The following DNAAF4 variants were observed in gnomAD, a reference collection of about 807,000 sequenced individuals.
DNAAF4 encodes the protein dynein assembly factor 4, axonemal.
In DNAAF4, 43 loss-of-function variants were observed where a neutral mutation model predicts 51.8. That is an observed-to-expected ratio of 0.83 (90% CI 0.65 to 1.07). The LOEUF (loss-of-function observed/expected upper bound fraction) is 1.07, where lower values mean the gene tolerates loss of function less well. Among genes scored for constraint, DNAAF4 ranks in the 50% least tolerant of loss-of-function variants. The probability of loss-of-function intolerance (pLI) is 0.00; values close to 1 mark genes in which losing one functional copy is unlikely to be tolerated. For synonymous variants in DNAAF4, 194 were observed against 165.6 expected (o/e 1.17, Z -1.32); for missense variants, 581 against 493.0 (o/e 1.18, Z -1.69).
At chr15:55,423,751 G>A (rs1024408896) in intron 7 of DNAAF4, among the ~76,000 whole-genome samples, 8 of 152,148 alleles carry the variant, frequency 5.3e-5, no homozygotes, top group African/African-American at 1.7e-4. Context: ...TAAGGAGTGC[G>A]AGACCAGGCT....
intron 4 of DNAAF4, among the ~76,000 whole-genome samples, chr15:55,490,403 T>C (rs1262959275): frequency 6.6e-6 from 1 of 152,078 alleles, no homozygotes; most frequent in East Asian, 1.9e-4. Flanking sequence ...AATGGGTAAA[T>C]TATATGGAAT....
intron 3 of DNAAF4, 123 bp downstream of exon 3, chr15:55,497,587 AAG>A: frequency 8.7e-7 from 1 of 1,148,930 alleles, no homozygotes; most frequent in Non-Finnish European, 1.2e-6. Flanking sequence ...GCGACAGAGC[AAG>A]ACTCTTAAAA....
intron 6 of DNAAF4, among the ~76,000 whole-genome samples, chr15:55,442,127 G>C (rs539871560): frequency 6.6e-6 from 1 of 151,948 alleles, no homozygotes; most frequent in Admixed American, 6.6e-5. Context: ...TTTTTGTTTT[G>C]TTTTGTTTTG....
At chr15:55,498,141 G>C in intron 2 of DNAAF4, 66 bp downstream of exon 2, 4 of 1,609,348 alleles carry the variant, frequency 2.5e-6, no homozygotes, top group Non-Finnish European at 3.4e-6. Context: ...CTCGTGCCCA[G>C]CTGCGCTCTT....
chr15:55,429,654 A>G (rs2057467553), downstream of DNAAF4, among the ~76,000 whole-genome samples: 1 of 151,908 alleles, frequency 6.6e-6, no homozygotes, highest in Admixed American at 6.6e-5. Context: ...CATCTCTACT[A>G]AAAATGCAAA....
chr15:55,420,015 A>AT (rs767740059), intron 7 of DNAAF4, among the ~76,000 whole-genome samples: 1 of 152,170 alleles, frequency 6.6e-6, no homozygotes, highest in African/African-American at 2.4e-5. Context: ...AAAAAAAAGA[A>AT]TAAAAAAAAG....
At chr15:55,464,761 A>G (rs1171881421) in intron 5 of DNAAF4, among the ~76,000 whole-genome samples, 1 of 152,170 alleles carries the variant, frequency 6.6e-6, no homozygotes, top group African/African-American at 2.4e-5. Context: ...TGAGGTCAAG[A>G]GTTCGAGACC....
chr15:55,469,772 G>A (rs1198543636), intron 4 of DNAAF4, among the ~76,000 whole-genome samples: 3 of 151,710 alleles, frequency 2.0e-5, no homozygotes, highest in Non-Finnish European at 2.9e-5. Flanking sequence ...TTACAGGCGT[G>A]AGCCACTGCG....
chr15:55,467,955 T>C (rs1056820620), intron 4 of DNAAF4, among the ~76,000 whole-genome samples: 3 of 152,200 alleles, frequency 2.0e-5, no homozygotes, highest in Admixed American at 6.5e-5. Flanking sequence ...CTGACTTTCC[T>C]ATGGTAAGAA....
intron 4 of DNAAF4, among the ~76,000 whole-genome samples, chr15:55,486,913 C>T (rs116782008): frequency 0.017 from 2,635 of 152,280 alleles, 71 homozygotes; most frequent in African/African-American, 0.06. Context: ...CCTTCCTCAA[C>T]ATACGTATGC....
chr15:55,444,746 T>C (rs1334105275), intron 6 of DNAAF4, among the ~76,000 whole-genome samples: 2 of 152,246 alleles, frequency 1.3e-5, no homozygotes, highest in African/African-American at 2.4e-5. Context: ...TAGTTCTCCT[T>C]GAAGAGGTCC....
chr15:55,464,674 A>C (rs1301694298), intron 5 of DNAAF4, among the ~76,000 whole-genome samples: 2 of 152,228 alleles, frequency 1.3e-5, no homozygotes. Flanking sequence ...AAAAGAAGAT[A>C]TACAAATGTC....
At chr15:55,452,351 T>G (rs1258258686) in intron 5 of DNAAF4, among the ~76,000 whole-genome samples, 1 of 148,836 alleles carries the variant, frequency 6.7e-6, no homozygotes, top group African/African-American at 2.5e-5. Context: ...CTAATAATAC[T>G]AATGATTAAT....
At chr15:55,445,406 A>G (rs2057782734) in intron 6 of DNAAF4, among the ~76,000 whole-genome samples, 1 of 152,194 alleles carries the variant, frequency 6.6e-6, no homozygotes, top group Non-Finnish European at 1.5e-5. Context: ...TTTTCTTAGT[A>G]CAGAACAAAA....
At chr15:55,450,017 T>C (rs2057909187) in intron 6 of DNAAF4, among the ~76,000 whole-genome samples, 1 of 152,052 alleles carries the variant, frequency 6.6e-6, no homozygotes, top group Non-Finnish European at 1.5e-5. Flanking sequence ...ATATATTAAG[T>C]CGGTATTCTC....
At chr15:55,423,523 G>T (rs979982032) in intron 7 of DNAAF4, among the ~76,000 whole-genome samples, 14 of 152,112 alleles carry the variant, frequency 9.2e-5, no homozygotes, top group Non-Finnish European at 2.9e-5. Flanking sequence ...GGGATTATGG[G>T]TGTGAGCCAC....
intron 4 of DNAAF4, among the ~76,000 whole-genome samples, chr15:55,486,279 C>T (rs1462789880): frequency 4.6e-5 from 7 of 151,732 alleles, no homozygotes; most frequent in East Asian, 3.9e-4. Flanking sequence ...CTGCAACCTC[C>T]GCTTCCTGGG....
At chr15:55,450,598 C>T (rs1595908757) in intron 5 of DNAAF4, among the ~76,000 whole-genome samples, 1 of 152,106 alleles carries the variant, frequency 6.6e-6, no homozygotes, top group East Asian at 1.9e-4. Flanking sequence ...CTTTGTAAAA[C>T]CACAGTGTTT....
intron 7 of DNAAF4, chr15:55,418,611 GA>G: frequency 2.4e-6 from 3 of 1,271,278 alleles, no homozygotes; most frequent in Non-Finnish European, 3.2e-6. Flanking sequence ...ATATACTCGG[GA>G]AAAATGAGTG....
Sources: allele counts gnomAD v4.1 joint callset (sites outside exome capture counted in the v4.1 genomes callset), GRCh38; gene constraint gnomAD v4.1.1; transcripts MANE v1.5; gene names NCBI Gene and HGNC (gene_info 2026-07-23, HGNC 2026-07-21).